DNAH11: variants seen among roughly 807,000 people sequenced by gnomAD.
DNAH11 encodes axonemal beta dynein heavy chain 11.
DNAH11 carries 442 observed loss-of-function variants against 526.0 expected under a neutral mutation model. The observed-to-expected ratio is 0.84, with a 90% CI of 0.78 to 0.91. The LOEUF is 0.91. DNAH11 is among the 40% of genes least tolerant of loss of function. DNAH11 has a pLI of 0.00. For missense variants in DNAH11, 6,989 were observed against 5,448.7 expected, an observed-to-expected ratio of 1.28 and a Z score of -8.90; for synonymous variants, 2,461 against 1,935.9, an observed-to-expected ratio of 1.27 and a Z score of -7.12.
At chr7:21,654,314 A>G (rs1055171073) in intron 28 of DNAH11, among the ~76,000 whole-genome samples, 20 of 152,218 alleles carry the variant, frequency 1.3e-4, no homozygotes, top group African/African-American at 4.6e-4. Context: ...GATATTTCAT[A>G]TAAATGGGAT....
chr7:21,898,246 G>A (rs1784598849), intron 79 of DNAH11, among the ~76,000 whole-genome samples: 1 of 152,152 alleles, frequency 6.6e-6, no homozygotes, highest in Non-Finnish European at 1.5e-5. Context: ...TGGTGCCTAT[G>A]CTGTTTCTTC....
chr7:21,707,682 T>C lies in DNAH11; in HGVS notation c.6547-17T>C. 2 of 1,601,666 alleles carry C rather than the reference T, an allele frequency of 1.2e-6. No homozygotes were observed. Among genetic ancestry groups the C allele is most frequent in the Non-Finnish European group, 1.7e-6 (2 of 1,176,350 alleles). On this transcript the variant is annotated splice_polypyrimidine_tract_variant and intron_variant, in intron 39 of 81. Coordinates refer to ENST00000409508, the MANE Select transcript of DNAH11 (RefSeq NM_001277115.2). Reference sequence around the variant, plus strand: ...TGTTAGTATTAATTTTTTTGGCTCTTTCCTCCTTCCCCTCAGATTTTGAGA... The same window carrying C: ...TGTTAGTATTAATTTTTTTGGCTCTCTCCTCCTTCCCCTCAGATTTTGAGA...
intron 65 of DNAH11, among the ~76,000 whole-genome samples, chr7:21,821,010 C>T (rs558388275): frequency 1.4e-4 from 21 of 152,226 alleles, no homozygotes; most frequent in African/African-American, 4.8e-4. Flanking sequence ...TAAACTTAGG[C>T]AGTGACAGTG....
At chr7:21,704,344 T>A (rs1784176780) in intron 37 of DNAH11, 90 bp from the exon 38 acceptor site, 1 of 1,281,894 alleles carries the variant, frequency 7.8e-7, no homozygotes, top group Admixed American at 2.2e-5. Flanking sequence ...ATGCTTCACA[T>A]ATGAGGAGTA....
In DNAH11 at chr7:21,873,421, G is replaced by A. The variant is rs1482639715; in HGVS notation, c.12115G>A (p.Glu4039Lys). The change falls in exon 74 of 82, where the codon GAA becomes AAA. Residue 4039 changes from glutamate (E) to lysine (K), a missense_variant. Physicochemically the swap from Glu to Lys is moderately conservative, Grantham distance 56 (BLOSUM62 1). Coordinates refer to ENST00000409508, the MANE Select transcript of DNAH11 (RefSeq NM_001277115.2). ...GCATATCATCCCTCAAGGACTCCTG[G>A]AAAATTCCATTAAGATCACTAATGA... The part of the protein sequence containing the change: ...DEHIIPQGLL[E>K]NSIKITNEPP... 2 of 1,613,838 alleles carry A rather than the reference G, an allele frequency of 1.2e-6. No individual in the cohort carries two copies. The highest frequency in any genetic ancestry group is 1.7e-6 in the Non-Finnish European group (2 of 1,179,890).
At chr7:21,810,065 T>C (rs1789444604) in intron 63 of DNAH11, among the ~76,000 whole-genome samples, 1 of 152,202 alleles carries the variant, frequency 6.6e-6, no homozygotes, top group Admixed American at 6.5e-5. Flanking sequence ...CTTACTAATA[T>C]TATGGGTTAT....
intron 14 of DNAH11, among the ~76,000 whole-genome samples, chr7:21,593,924 C>T (rs1328482305): frequency 1.3e-5 from 2 of 151,822 alleles, no homozygotes; most frequent in Non-Finnish European, 2.9e-5. Context: ...CTCTCTAACA[C>T]ACACACACTC....
intron 79 of DNAH11, among the ~76,000 whole-genome samples, chr7:21,898,983 C>A (rs551602763): frequency 6.6e-6 from 1 of 152,322 alleles, no homozygotes; most frequent in South Asian, 2.1e-4. Flanking sequence ...CCTGTCCATA[C>A]CTCCAAGTTG....
At position 21,789,487 on chromosome 7, in the gene DNAH11, C is replaced by T. The variant is rs909845231; in HGVS notation, c.10026+145C>T. The T allele has an allele frequency of 5.4e-6, 3 of 559,128 alleles. No homozygotes were observed. The African/African-American group carries it at 5.7e-5, about 11-fold the overall frequency. The allele number at this position is 559,128 out of a possible 1,614,324, so 34.6% of individuals were successfully genotyped here. ...TCCATGAGTGTATTTCCTTATATAC[C>T]ATTCAGTAGGTATTTCTTATCTGCT... On this transcript the variant is annotated intron_variant, in intron 61 of 81. Coordinates refer to ENST00000409508, the MANE Select transcript of DNAH11 (RefSeq NM_001277115.2).
intron 62 of DNAH11, 142 bp downstream of exon 62, chr7:21,801,417 C>T (rs1324801812): frequency 6.1e-6 from 7 of 1,148,244 alleles, no homozygotes; most frequent in African/African-American, 4.7e-5. Flanking sequence ...TCCTGTGGCT[C>T]TAACTCACCA....
At chr7:21,877,429 A>C (rs1783757042) in intron 74 of DNAH11, among the ~76,000 whole-genome samples, 1 of 152,072 alleles carries the variant, frequency 6.6e-6, no homozygotes, top group South Asian at 2.1e-4. Context: ...TTACCTCCAA[A>C]CTTTGGCATG....
intron 26 of DNAH11, among the ~76,000 whole-genome samples, chr7:21,636,575 A>C (rs952546756): frequency 1.3e-5 from 2 of 152,082 alleles, no homozygotes; most frequent in African/African-American, 4.8e-5. Flanking sequence ...TCTCTACTAA[A>C]AAATTTTTAA....
At chr7:21,579,242 AATG>A (rs1180676200) in intron 8 of DNAH11, among the ~76,000 whole-genome samples, 1 of 152,176 alleles carries the variant, frequency 6.6e-6, no homozygotes, top group African/African-American at 2.4e-5. Flanking sequence ...ACATTTTTAT[AATG>A]ATTTCTGAAC....
At position 21,606,516 on chromosome 7, in the gene DNAH11, A is replaced by G; in HGVS notation, c.3739A>G (p.Ile1247Val). 6.2e-7 allele frequency: 1 copy of G among 1,610,978 alleles called. No homozygotes were observed. The highest frequency in any genetic ancestry group is 8.5e-7 in the Non-Finnish European group (1 of 1,179,190). The change falls in exon 19 of 82, where the codon ATA becomes GTA. Residue 1247 changes from isoleucine to valine, a missense_variant. By Grantham distance (29) the Ile-to-Val change is conservative. Transcript: ENST00000409508. ...TCTCCATAATGCGGAAGTCACTCTT[A>G]TAAGGAAAAAATGTATTTTGTTTGA... ...SPLHNAEVTL[I>V]RKKCILFDAK...
intron 41 of DNAH11, 60 bp from the exon 42 acceptor site, chr7:21,711,651 TG>T: frequency 6.4e-7 from 1 of 1,572,064 alleles, no homozygotes; most frequent in Non-Finnish European, 8.6e-7. Context: ...AAGTACTTGT[TG>T]CTTCTGGATG....
At chr7:21,582,934 C>T (rs1784365519) in intron 9 of DNAH11, among the ~76,000 whole-genome samples, 2 of 152,000 alleles carry the variant, frequency 1.3e-5, no homozygotes, top group Non-Finnish European at 2.9e-5. Flanking sequence ...TCTCTGGCCC[C>T]AGTCAAGCAT....
chr7:21,876,045 G>T (rs1417307656), intron 74 of DNAH11, among the ~76,000 whole-genome samples: 3 of 151,842 alleles, frequency 2.0e-5, no homozygotes, highest in Non-Finnish European at 4.4e-5. Context: ...CACCATGCAC[G>T]GCTAATTTTT....
intron 66 of DNAH11, among the ~76,000 whole-genome samples, chr7:21,844,008 T>A (rs910923723): frequency 2.6e-5 from 4 of 152,248 alleles, no homozygotes; most frequent in African/African-American, 9.6e-5. Flanking sequence ...ACATTATTCA[T>A]ATTTTGAAGA....
chr7:21,675,184 A>G (rs901445692), intron 30 of DNAH11, among the ~76,000 whole-genome samples: 7 of 152,130 alleles, frequency 4.6e-5, no homozygotes, highest in Admixed American at 3.3e-4. Flanking sequence ...GCACCATCTC[A>G]TTGTCCTAAC....
Sources: gnomAD v4.1 joint callset for allele counts (sites outside exome capture counted in the v4.1 genomes callset) on GRCh38, gnomAD v4.1.1 for gene constraint, MANE v1.5 for transcripts, NCBI Gene and HGNC (gene_info 2026-07-23, HGNC 2026-07-21) for gene names.